Variants in PRKG1 observed in about 807,000 individuals in gnomAD.
The protein encoded by PRKG1 is protein kinase cGMP-dependent 1.
PRKG1 carries 35 observed loss-of-function variants against 88.1 expected under a neutral mutation model. That is an observed-to-expected ratio of 0.40 (90% CI 0.30 to 0.53). The LOEUF is 0.53. PRKG1 is among the 20% of genes least tolerant of loss of function. PRKG1 has a pLI of 0.59. For synonymous variants in PRKG1, 303 were observed against 292.5 expected (o/e 1.04, Z -0.37); for missense variants, 540 against 839.8 (o/e 0.64, Z 4.41).
At chr10:51,544,407 A>C (rs1361054945) in intron 3 of PRKG1, among the ~76,000 whole-genome samples, 1 of 152,076 alleles carries the variant, frequency 6.6e-6, no homozygotes, top group East Asian at 1.9e-4. Context: ...ATGGCTGCAT[A>C]GTATTCCATG....
chr10:51,528,249 A>G (rs951273963), intron 3 of PRKG1, among the ~76,000 whole-genome samples: 1 of 152,186 alleles, frequency 6.6e-6, no homozygotes, highest in Non-Finnish European at 1.5e-5. Context: ...ATAACAAATA[A>G]TCCTGATTTT....
intron 3 of PRKG1, among the ~76,000 whole-genome samples, chr10:51,473,084 C>A (rs974076722): frequency 6.6e-6 from 1 of 151,918 alleles, no homozygotes; most frequent in Admixed American, 6.6e-5. Context: ...GAAGTTGTTA[C>A]ACTTGTGTAG....
At chr10:51,148,550 A>G (rs1472626100) in intron 1 of PRKG1, among the ~76,000 whole-genome samples, 1 of 152,084 alleles carries the variant, frequency 6.6e-6, no homozygotes, top group African/African-American at 2.4e-5. Flanking sequence ...ATTGCCTGTG[A>G]CCTGACTGAG....
At chr10:51,028,648 A>C (rs1484204684) in intron 1 of PRKG1, among the ~76,000 whole-genome samples, 1 of 152,170 alleles carries the variant, frequency 6.6e-6, no homozygotes, top group South Asian at 2.1e-4. Flanking sequence ...TCAGGGAAGA[A>C]GAATGAGAAA....
chr10:51,152,312 A>C (rs557794314), intron 1 of PRKG1, among the ~76,000 whole-genome samples: 1 of 152,166 alleles, frequency 6.6e-6, no homozygotes, highest in East Asian at 1.9e-4. Flanking sequence ...TGCACTTCAA[A>C]CATCTTGTTC....
chr10:51,944,320 T>G (rs1842976258), intron 5 of PRKG1, among the ~76,000 whole-genome samples: 1 of 152,090 alleles, frequency 6.6e-6, no homozygotes, highest in Non-Finnish European at 1.5e-5. Context: ...TCATTTTTTA[T>G]TGCGCCTATT....
intron 3 of PRKG1, among the ~76,000 whole-genome samples, chr10:51,566,700 G>A (rs936351207): frequency 2.6e-5 from 4 of 151,850 alleles, no homozygotes; most frequent in African/African-American, 9.7e-5. Flanking sequence ...AGAAAACAAG[G>A]ATCAAAAGCT....
At chr10:51,796,137 T>C (rs567262590) in intron 3 of PRKG1, among the ~76,000 whole-genome samples, 16 of 152,236 alleles carry the variant, frequency 1.1e-4, no homozygotes, top group Admixed American at 6.5e-4. Flanking sequence ...CAGAGTATAT[T>C]TGATGAATTC....
At chr10:51,057,245 T>C (rs1055131086) in intron 1 of PRKG1, among the ~76,000 whole-genome samples, 1 of 152,256 alleles carries the variant, frequency 6.6e-6, no homozygotes, top group African/African-American at 2.4e-5. Flanking sequence ...ATATATCTAA[T>C]TAACTTTTTA....
At chr10:52,164,638 A>G (rs2132694281) in intron 9 of PRKG1, among the ~76,000 whole-genome samples, 1 of 152,310 alleles carries the variant, frequency 6.6e-6, no homozygotes, top group East Asian at 1.9e-4. Flanking sequence ...TAATTAAAGA[A>G]GAAAGAAAGG....
At chr10:51,438,023 C>T (rs1363561694) in intron 2 of PRKG1, among the ~76,000 whole-genome samples, 2 of 151,572 alleles carry the variant, frequency 1.3e-5, no homozygotes, top group Non-Finnish European at 2.9e-5. Context: ...TATTGGCCTC[C>T]TTGACAGCTT....
intron 5 of PRKG1, among the ~76,000 whole-genome samples, chr10:52,036,821 G>A (rs1468753775): frequency 1.3e-5 from 2 of 152,100 alleles, no homozygotes; most frequent in Admixed American, 6.5e-5. Context: ...GAGTTGGGGA[G>A]TTTTAAGAGG....
intron 5 of PRKG1, among the ~76,000 whole-genome samples, chr10:52,019,359 G>A (rs1477603124): frequency 6.6e-6 from 1 of 152,130 alleles, no homozygotes; most frequent in Admixed American, 6.6e-5. Flanking sequence ...TATCCTTCTT[G>A]ATGATTATGT....
chr10:51,963,500 C>T (rs1843495205), intron 5 of PRKG1, among the ~76,000 whole-genome samples: 1 of 151,972 alleles, frequency 6.6e-6, no homozygotes, highest in South Asian at 2.1e-4. Context: ...TGCTCTGTCA[C>T]CCAGGCTAGA....
At chr10:51,818,058 G>A (rs1839638745) in intron 4 of PRKG1, among the ~76,000 whole-genome samples, 1 of 152,088 alleles carries the variant, frequency 6.6e-6, no homozygotes, top group South Asian at 2.1e-4. Context: ...AAGACAGTGT[G>A]CCAGAATGTA....
At chr10:51,454,639 G>A (rs975982754) in intron 2 of PRKG1, among the ~76,000 whole-genome samples, 1 of 152,160 alleles carries the variant, frequency 6.6e-6, no homozygotes, top group Non-Finnish European at 1.5e-5. Context: ...CAAAAGAGGA[G>A]CAAAGTCATG....
At chr10:52,131,953 A>G (rs1416151939) in intron 7 of PRKG1, among the ~76,000 whole-genome samples, 2 of 151,502 alleles carry the variant, frequency 1.3e-5, no homozygotes, top group African/African-American at 4.8e-5. Flanking sequence ...ATGATGTAGT[A>G]TGGTGGGTGG....
In PRKG1 at chr10:51,186,644, G is replaced by T. The variant is rs571877585; in HGVS notation, c.478+33314G>T. ...TTTCTAATTTTATACCATAGACAGTGCTTCTACAAATGTGCTTCCTCTGCT... is the reference window on the plus strand; with the variant it reads ...TTTCTAATTTTATACCATAGACAGTTCTTCTACAAATGTGCTTCCTCTGCT... On this transcript the variant is annotated intron_variant, in intron 2 of 17. Coordinates refer to ENST00000373980, the MANE Select transcript of PRKG1 (RefSeq NM_006258.4). 1.2e-4 allele frequency among the ~76,000 whole-genome samples: 18 copies of T among 151,946 alleles called. No homozygotes were observed. The South Asian group carries it at 2.5e-3, about 21-fold the overall frequency.
intron 3 of PRKG1, among the ~76,000 whole-genome samples, chr10:51,561,892 G>A (rs4935266): frequency 6.6e-6 from 1 of 151,954 alleles, no homozygotes; most frequent in South Asian, 2.1e-4. Context: ...TAGTGCTACT[G>A]GCAGGTCTAT....
Sources: allele counts gnomAD v4.1 joint callset (sites outside exome capture counted in the v4.1 genomes callset), GRCh38; gene constraint gnomAD v4.1.1; transcripts MANE v1.5; gene names NCBI Gene and HGNC (gene_info 2026-07-23, HGNC 2026-07-21).